Variants in SEMA6D observed in about 807,000 individuals in gnomAD.
SEMA6D encodes the protein semaphorin-6D.
A neutral mutation model predicts 106.6 loss-of-function variants in SEMA6D; 35 were observed. The ratio of observed to expected loss-of-function variants is 0.33; its 90% CI spans 0.25 to 0.44. SEMA6D has a LOEUF of 0.44. SEMA6D is among the 20% of genes least tolerant of loss of function. The probability of loss-of-function intolerance (pLI) is 1.00; values close to 1 mark genes in which losing one functional copy is unlikely to be tolerated. For synonymous variants in SEMA6D, 499 were observed against 487.7 expected (o/e 1.02, Z -0.31); for missense variants, 1,185 against 1,345.9 (o/e 0.88, Z 1.87).
At chr15:47,463,085 C>T (rs528323039) in intron 2 of SEMA6D, among the ~76,000 whole-genome samples, 2 of 152,130 alleles carry the variant, frequency 1.3e-5, no homozygotes, top group South Asian at 4.2e-4. Flanking sequence ...ATAAGACTAC[C>T]TCAGTTTCCT....
intron 2 of SEMA6D, chr15:47,412,499 G>A (rs546301283): frequency 6.6e-6 from 1 of 152,536 alleles, no homozygotes; most frequent in African/African-American, 2.4e-5. Flanking sequence ...TAACAACGAA[G>A]GACAGTAAAT....
chr15:47,725,517 C>T (rs540322410), intron 1 of SEMA6D, among the ~76,000 whole-genome samples: 2 of 152,226 alleles, frequency 1.3e-5, no homozygotes, highest in Admixed American at 1.3e-4. Context: ...ACTCATCTGC[C>T]ACTAACGGTC....
chr15:47,733,252 T>G (rs1456014912), intron 1 of SEMA6D, among the ~76,000 whole-genome samples: 3 of 152,212 alleles, frequency 2.0e-5, no homozygotes, highest in African/African-American at 7.2e-5. Flanking sequence ...ACTCTTGGCC[T>G]GGCTCCGAGT....
chr15:47,421,393 G>C (rs906045460), intron 2 of SEMA6D, among the ~76,000 whole-genome samples: 2 of 152,022 alleles, frequency 1.3e-5, no homozygotes, highest in African/African-American at 4.8e-5. Flanking sequence ...CTTATCACAG[G>C]GTTGCTATGT....
At chr15:47,523,328 G>C (rs1255765662) in intron 3 of SEMA6D, among the ~76,000 whole-genome samples, 4 of 152,128 alleles carry the variant, frequency 2.6e-5, no homozygotes, top group Non-Finnish European at 5.9e-5. Flanking sequence ...AGCACAAGGA[G>C]AGGATTTCCC....
chr15:47,653,402 T>C (rs1374724574), intron 4 of SEMA6D, among the ~76,000 whole-genome samples: 1 of 152,176 alleles, frequency 6.6e-6, no homozygotes, highest in African/African-American at 2.4e-5. Flanking sequence ...TGGTGCTCAT[T>C]CCCTAATACT....
At position 47,771,137 on chromosome 15, in the gene SEMA6D, C is replaced by A. The variant is rs1304915645; in HGVS notation, c.2574C>A (p.His858Gln). 6.2e-7 allele frequency: 1 copy of A among 1,614,114 alleles called. No individual in the cohort carries two copies. Among genetic ancestry groups the A allele is most frequent in the Admixed American group, 1.7e-5 (1 of 60,010 alleles). Residue 858 changes from histidine (H) to glutamine (Q), a missense_variant, in exon 19 of 19, where the codon CAC (histidine) becomes CAA (glutamine). This residue lies in a region of SEMA6D where 750 missense variants were observed against 783.5 expected (regional missense o/e 0.96). Coordinates refer to ENST00000536845, the MANE Select transcript of SEMA6D (RefSeq NM_001358351.3). Reference protein sequence around the residue: ...KAEKKLQNIDHPLTKSSSKRD... With the variant: ...KAEKKLQNIDQPLTKSSSKRD... The stretch of plus-strand genomic sequence containing the variant: ...AAAAGAAGCTTCAAAACATTGATCA[C>A]CCTCTCACAAAGTCATCCAGTAAGA...
intron 1 of SEMA6D, among the ~76,000 whole-genome samples, chr15:47,375,067 A>G (rs576006499): frequency 6.6e-6 from 1 of 152,128 alleles, no homozygotes; most frequent in Non-Finnish European, 1.5e-5. Flanking sequence ...TTTCTTAACT[A>G]TATTTTGTTC....
chr15:47,256,649 A>G (rs2033817518), intron 1 of SEMA6D, among the ~76,000 whole-genome samples: 1 of 152,152 alleles, frequency 6.6e-6, no homozygotes, highest in South Asian at 2.1e-4. Flanking sequence ...TCATGAAGTC[A>G]GGAGTTCGAG....
chr15:47,358,176 A>G (rs936921504), intron 1 of SEMA6D, among the ~76,000 whole-genome samples: 9 of 152,282 alleles, frequency 5.9e-5, no homozygotes, highest in African/African-American at 2.2e-4. Context: ...TTGTGTGGCT[A>G]CCATATGTGA....
At chr15:47,734,819 C>T (rs190274978) in intron 1 of SEMA6D, among the ~76,000 whole-genome samples, 8 of 152,124 alleles carry the variant, frequency 5.3e-5, no homozygotes, top group African/African-American at 1.7e-4. Context: ...ATTATGGGAC[C>T]AAAATAAAAA....
intron 3 of SEMA6D, among the ~76,000 whole-genome samples, chr15:47,477,329 G>A (rs1211441370): frequency 6.6e-6 from 1 of 152,108 alleles, no homozygotes; most frequent in Non-Finnish European, 1.5e-5. Flanking sequence ...GGGGTTATCT[G>A]GTTGGGGCCA....
chr15:47,771,117 A>G lies in SEMA6D; in HGVS notation c.2554A>G (p.Lys852Glu). ...CTCCAATGCTCACAAAGCTGAAAAG[A>G]AGCTTCAAAACATTGATCACCCTCT... is the stretch of plus-strand genomic sequence containing the variant. ...SNSNAHKAEK[K>E]LQNIDHPLTK... Residue 852 changes from lysine (K) to glutamate (E), a missense_variant, in exon 19 of 19, where the codon AAG (lysine) becomes GAG (glutamate). By Grantham distance (56) the Lys-to-Glu change is moderately conservative (BLOSUM62 1). Coordinates refer to ENST00000536845, the MANE Select transcript of SEMA6D (RefSeq NM_001358351.3). 6.2e-7 allele frequency: 1 copy of G among 1,614,132 alleles called. No homozygotes were observed. Among genetic ancestry groups the G allele is most frequent in the East Asian group, 2.2e-5 (1 of 44,856 alleles).
chr15:47,649,000 G>C (rs1429299109), intron 4 of SEMA6D, among the ~76,000 whole-genome samples: 1 of 152,124 alleles, frequency 6.6e-6, no homozygotes, highest in Non-Finnish European at 1.5e-5. Flanking sequence ...ATTTATATGT[G>C]AATACATATG....
In SEMA6D at chr15:47,418,378, C is replaced by G. The variant is rs139968914; in HGVS notation, c.-159+5906C>G. 3.3e-5 allele frequency among the ~76,000 whole-genome samples: 5 copies of G among 152,198 alleles called. No homozygotes were observed. In the East Asian group the frequency reaches 9.7e-4, roughly 29 times the overall value. ...GCTATACTGGGTGGCTTATAAACAACAGAAATTTATTTCTCACAGTTCTGG... is the reference window on the plus strand; with the variant it reads ...GCTATACTGGGTGGCTTATAAACAAGAGAAATTTATTTCTCACAGTTCTGG... On this transcript the variant is annotated intron_variant, in intron 2 of 19. Coordinates refer to the SEMA6D transcript ENST00000558014.
intron 1 of SEMA6D, among the ~76,000 whole-genome samples, chr15:47,369,690 A>T (rs898063560): frequency 2.0e-5 from 3 of 152,236 alleles, no homozygotes; most frequent in African/African-American, 7.2e-5. Context: ...GATTACCAGC[A>T]CCTGCTAAAG....
chr15:47,405,538 C>T (rs2040533440), intron 1 of SEMA6D, among the ~76,000 whole-genome samples: 2 of 152,142 alleles, frequency 1.3e-5, no homozygotes. Context: ...AGGATCAGGG[C>T]TGTATACCAG....
chr15:47,295,540 G>A (rs779472098), intron 1 of SEMA6D, among the ~76,000 whole-genome samples: 1 of 152,182 alleles, frequency 6.6e-6, no homozygotes, highest in Non-Finnish European at 1.5e-5. Context: ...GAGATAGCAA[G>A]ACCTATCCAG....
chr15:47,516,896 A>G (rs1864067102), intron 3 of SEMA6D, among the ~76,000 whole-genome samples: 1 of 152,158 alleles, frequency 6.6e-6, no homozygotes, highest in South Asian at 2.1e-4. Context: ...TTTTTTGTAA[A>G]AAGAAGAATT....
Sources: gnomAD v4.1 joint callset for allele counts (sites outside exome capture counted in the v4.1 genomes callset) on GRCh38, gnomAD v4.1.1 for gene constraint, gnomAD v4.1.1 regional missense constraint, MANE v1.5 for transcripts, NCBI Gene and HGNC (gene_info 2026-07-23, HGNC 2026-07-21) for gene names.